LCLAT1: variants seen among roughly 807,000 people sequenced by gnomAD.
The protein encoded by LCLAT1 is lysocardiolipin acyltransferase 1.
In LCLAT1, 11 loss-of-function variants were observed where a neutral mutation model predicts 30.7. The observed-to-expected ratio is 0.36, with a 90% confidence interval of 0.23 to 0.59. LCLAT1 has a LOEUF of 0.59. LCLAT1 is among the 20% of genes least tolerant of loss of function. The probability of loss-of-function intolerance (pLI) is 0.77; values close to 1 mark genes in which losing one functional copy is unlikely to be tolerated. For missense variants in LCLAT1, 402 were observed against 458.6 expected (o/e 0.88, Z 1.13); for synonymous variants, 155 against 151.3 (o/e 1.02, Z -0.18).
At chr2:30,573,860 T>C (rs961781138) in intron 5 of LCLAT1, among the ~76,000 whole-genome samples, 6 of 152,194 alleles carry the variant, frequency 3.9e-5, no homozygotes, top group African/African-American at 1.2e-4. Context: ...ATCAACTAAT[T>C]GGTCAATGTA....
At chr2:30,520,515 T>C (rs1685425036) in intron 1 of LCLAT1, among the ~76,000 whole-genome samples, 1 of 152,206 alleles carries the variant, frequency 6.6e-6, no homozygotes, top group South Asian at 2.1e-4. Context: ...AGTTTTGTTA[T>C]TTACTAGCTG....
chr2:30,511,068 T>TTGCTC lies in LCLAT1; in HGVS notation c.-4-14519_-4-14518insTGCTC, dbSNP rs1572548709. Reference sequence around the variant, plus strand: ...TTTAATTTAGTCTCTAATGTCATGTTAGAGTGTTTGCTCAGAAGTCTCATT... The same window carrying TTGCTC: ...TTTAATTTAGTCTCTAATGTCATGTTTGCTCAGAGTGTTTGCTCAGAAGTCTCATT... On this transcript the variant is annotated intron_variant, in intron 1 of 5. Coordinates refer to ENST00000379509, the MANE Select transcript of LCLAT1 (RefSeq NM_001002257.3). Among the ~76,000 whole-genome samples the TTGCTC allele has an allele frequency of 2.0e-5, 3 of 152,202 alleles. No individual in the cohort carries two copies. The East Asian group carries it at 5.8e-4, about 29-fold the overall frequency.
At chr2:30,510,121 T>C (rs111515606) in intron 1 of LCLAT1, among the ~76,000 whole-genome samples, 84 of 152,336 alleles carry the variant, frequency 5.5e-4, no homozygotes, top group African/African-American at 1.2e-3. Context: ...ATGCCTTCTC[T>C]ATCTAATGTA....
intron 3 of LCLAT1, among the ~76,000 whole-genome samples, chr2:30,559,949 C>T (rs72858923): frequency 0.012 from 1,883 of 152,300 alleles, 31 homozygotes; most frequent in African/African-American, 0.042. Flanking sequence ...TTTCTCTCAT[C>T]AATCCCCCTC....
chr2:30,472,920 A>G (rs1357850), intron 1 of LCLAT1, among the ~76,000 whole-genome samples: 74,086 of 151,942 alleles, frequency 0.49, 19,413 homozygotes, highest in Non-Finnish European at 0.58. Flanking sequence ...GATGAGGAAG[A>G]AAAAAGATTG....
At chr2:30,562,038 A>T (rs1328126415) in intron 3 of LCLAT1, 108 bp from the exon 4 acceptor site, 1 of 669,424 alleles carries the variant, frequency 1.5e-6, no homozygotes, top group South Asian at 3.4e-5. Context: ...AATGTTTACA[A>T]TAATAAATAA....
At chr2:30,479,731 A>G (rs1215131192) in intron 1 of LCLAT1, among the ~76,000 whole-genome samples, 2 of 152,188 alleles carry the variant, frequency 1.3e-5, no homozygotes, top group Non-Finnish European at 2.9e-5. Context: ...AAAATTTATT[A>G]AGTCATATAC....
chr2:30,557,454 G>T (rs924615761), intron 3 of LCLAT1, among the ~76,000 whole-genome samples: 2 of 150,914 alleles, frequency 1.3e-5, no homozygotes, highest in Non-Finnish European at 2.9e-5. Context: ...CACTTTTGTC[G>T]CCCAGCCTGG....
At chr2:30,589,839 G>A (rs1217334345) in intron 5 of LCLAT1, among the ~76,000 whole-genome samples, 1 of 152,142 alleles carries the variant, frequency 6.6e-6, no homozygotes, top group Non-Finnish European at 1.5e-5. Context: ...GTCTGCTGCT[G>A]CTCCTACTCA....
At chr2:30,539,047 C>T (rs914299727) in intron 3 of LCLAT1, among the ~76,000 whole-genome samples, 7 of 151,520 alleles carry the variant, frequency 4.6e-5, no homozygotes, top group Non-Finnish European at 7.4e-5. Flanking sequence ...CCAACCTCCA[C>T]CTACCTGGTT....
chr2:30,499,131 A>G (rs878875340), intron 1 of LCLAT1, among the ~76,000 whole-genome samples: 1 of 152,180 alleles, frequency 6.6e-6, no homozygotes, highest in South Asian at 2.1e-4. Context: ...AGGTCCTGAT[A>G]GAGGTGAGGA....
intron 1 of LCLAT1, among the ~76,000 whole-genome samples, chr2:30,523,423 C>T (rs1050403608): frequency 1.3e-5 from 2 of 152,120 alleles, no homozygotes; most frequent in African/African-American, 4.8e-5. Flanking sequence ...ATGCTGCTTT[C>T]CAGTGGCCTT....
intron 1 of LCLAT1, among the ~76,000 whole-genome samples, chr2:30,484,131 A>G (rs963926040): frequency 2.0e-5 from 3 of 152,202 alleles, no homozygotes; most frequent in Non-Finnish European, 2.9e-5. Context: ...TGGACCAAAT[A>G]TAGATGGCCC....
At chr2:30,491,047 G>A (rs187619636) in intron 1 of LCLAT1, among the ~76,000 whole-genome samples, 1 of 152,282 alleles carries the variant, frequency 6.6e-6, no homozygotes, top group Admixed American at 6.5e-5. Flanking sequence ...GTGGGTACTA[G>A]AAGAATTAAA....
At chr2:30,636,061 CA>C (rs1178398742) in intron 5 of LCLAT1, among the ~76,000 whole-genome samples, 3 of 152,076 alleles carry the variant, frequency 2.0e-5, no homozygotes, top group African/African-American at 7.2e-5. Flanking sequence ...TCACAGGGGG[CA>C]AGGCCACTTT....
chr2:30,533,145 A>C lies in LCLAT1; in HGVS notation c.195A>C (p.Lys65Asn), dbSNP rs1271784700. The change falls in exon 3 of 6, where the codon AAA becomes AAC. Residue 65 changes from lysine to asparagine, a missense_variant. Transcript: ENST00000379509. ...VALLETMFGV[K>N]VIITGDAFVP... ...TATTGGAGACCATGTTTGGTGTAAA[A>C]GTGATTATAACTGGGGATGCATTTG... 1.2e-6 allele frequency: 2 copies of C among 1,613,936 alleles called. No individual in the cohort carries two copies. Among genetic ancestry groups the C allele is most frequent in the Non-Finnish European group, 8.5e-7 (1 of 1,179,810 alleles).
At chr2:30,461,990 T>C (rs1186744776) in intron 1 of LCLAT1, among the ~76,000 whole-genome samples, 2 of 151,780 alleles carry the variant, frequency 1.3e-5, no homozygotes, top group East Asian at 3.9e-4. Flanking sequence ...GCCAGGATGG[T>C]CTCGATCTCC....
intron 5 of LCLAT1, among the ~76,000 whole-genome samples, chr2:30,597,660 G>T (rs1666988105): frequency 6.6e-6 from 1 of 152,046 alleles, no homozygotes. Context: ...GATTGCCTTG[G>T]CCAGAACTTC....
At chr2:30,531,917 C>A (rs1232119103) in intron 2 of LCLAT1, among the ~76,000 whole-genome samples, 1 of 152,092 alleles carries the variant, frequency 6.6e-6, no homozygotes, top group Non-Finnish European at 1.5e-5. Flanking sequence ...GTGTAACTGT[C>A]AACCAGGTCA....
Sources: allele counts gnomAD v4.1 joint callset (sites outside exome capture counted in the v4.1 genomes callset), GRCh38; gene constraint gnomAD v4.1.1; transcripts MANE v1.5; gene names NCBI Gene and HGNC (gene_info 2026-07-23, HGNC 2026-07-21).